VPS35L: variants seen among roughly 807,000 people sequenced by gnomAD.
The protein encoded by VPS35L is VPS35 endosomal protein-sorting factor-like.
VPS35L carries 83 observed loss-of-function variants against 133.0 expected under a neutral mutation model. The observed-to-expected ratio is 0.62, with a 90% confidence interval of 0.52 to 0.75. VPS35L has a LOEUF of 0.75. VPS35L is among the 30% of genes least tolerant of loss of function. VPS35L has a pLI of 0.00. For missense variants in VPS35L, 1,083 were observed against 1,206.8 expected, an observed-to-expected ratio of 0.90 and a Z score of 1.52; for synonymous variants, 423 against 449.9, an observed-to-expected ratio of 0.94 and a Z score of 0.76.
intron 15 of VPS35L, among the ~76,000 whole-genome samples, chr16:19,626,563 A>G (rs933057145): frequency 1.2e-4 from 18 of 152,046 alleles, no homozygotes; most frequent in African/African-American, 4.1e-4. Flanking sequence ...GGAGTTCGAG[A>G]CCAGCCTGGC....
intron 5 of VPS35L, among the ~76,000 whole-genome samples, chr16:19,575,557 G>A (rs1203471827): frequency 4.4e-5 from 6 of 136,470 alleles, no homozygotes; most frequent in African/African-American, 1.4e-4. Context: ...CAGGAATGCC[G>A]TCTTAAAAAA....
At chr16:19,662,061 G>C (rs1974502525) in intron 26 of VPS35L, among the ~76,000 whole-genome samples, 1 of 152,144 alleles carries the variant, frequency 6.6e-6, no homozygotes, top group Non-Finnish European at 1.5e-5. Context: ...AAAATCAGCA[G>C]GCATGATGGC....
intron 26 of VPS35L, among the ~76,000 whole-genome samples, chr16:19,662,036 T>C (rs1974500621): frequency 7.2e-6 from 1 of 138,546 alleles, no homozygotes; most frequent in Non-Finnish European, 1.5e-5. Context: ...AAAATATGAA[T>C]TAAAAAAAAC....
Position 19,575,884 on chromosome 16 carries a change from G to A in VPS35L, c.433+762G>A, listed in dbSNP as rs565868433. On this transcript the variant is annotated intron_variant, in intron 5 of 30. Transcript: ENST00000417362. Reference sequence around the variant, plus strand: ...AAAATATATATATATGGCCTGGTGCGGTGGCTCACACCCGTAATCCCAGCA... The same window carrying A: ...AAAATATATATATATGGCCTGGTGCAGTGGCTCACACCCGTAATCCCAGCA... Among the ~76,000 whole-genome samples the A allele has an allele frequency of 1.4e-4, 21 of 146,640 alleles. No individual in the cohort carries two copies. In the Admixed American group the frequency reaches 1.5e-3, roughly 10 times the overall value.
At chr16:19,676,426 G>A (rs148107491) in intron 27 of VPS35L, among the ~76,000 whole-genome samples, 10 of 152,314 alleles carry the variant, frequency 6.6e-5, no homozygotes, top group Non-Finnish European at 1.0e-4. Flanking sequence ...TTTAGCATCA[G>A]TAGTCGTCAG....
Position 19,691,417 on chromosome 16 carries a change from T to G in VPS35L, c.2592T>G (p.Cys864Trp). Residue 864 changes from cysteine (C) to tryptophan (W), a missense_variant, in exon 29 of 31, where the codon TGT becomes TGG. Physicochemically the swap from Cys to Trp is radical, Grantham distance 215 (BLOSUM62 -2). Transcript: ENST00000417362. ...TCCTGGCAGAAAACAACAAGCTGTGTGAGACGGTGATGGCTCAGATCCTAG... is the reference window on the plus strand; with the variant it reads ...TCCTGGCAGAAAACAACAAGCTGTGGGAGACGGTGATGGCTCAGATCCTAG... ...SKFLAENNKL[C>W]ETVMAQILEH... is the part of the protein sequence containing the mutation. The G allele has an allele frequency of 6.2e-7, 1 of 1,614,048 alleles. No individual in the cohort carries two copies. Among genetic ancestry groups the G allele is most frequent in the Non-Finnish European group, 8.5e-7 (1 of 1,179,940 alleles).
chr16:19,632,956 T>C, intron 18 of VPS35L, 136 bp from the exon 19 acceptor site: 1 of 712,772 alleles, frequency 1.4e-6, no homozygotes, highest in Non-Finnish European at 2.5e-6. Flanking sequence ...CTTCCGTTAT[T>C]TTCAGCAGAA....
intron 14 of VPS35L, among the ~76,000 whole-genome samples, chr16:19,619,259 A>G (rs763864861): frequency 5.3e-5 from 8 of 152,014 alleles, no homozygotes; most frequent in Non-Finnish European, 1.2e-4. Context: ...TAACTTTTCA[A>G]CAAGTATGCA....
intron 28 of VPS35L, among the ~76,000 whole-genome samples, chr16:19,689,340 G>C (rs377161671): frequency 4.3e-4 from 65 of 151,296 alleles, no homozygotes; most frequent in Middle Eastern, 6.8e-3. Context: ...GCTCCATCTC[G>C]GCTCACTGCA....
chr16:19,603,279 GCATC>G lies in VPS35L; in HGVS notation c.784+1557_784+1560del, dbSNP rs1224379903. Among the ~76,000 whole-genome samples, 4 of 152,140 alleles carry G rather than the reference GCATC, an allele frequency of 2.6e-5. No homozygotes were observed. The East Asian group carries it at 5.8e-4, about 22-fold the overall frequency. ...GAGAGCCTTGCTCTTTCTTAGTGCT[GCATC>G]TACATTGTCCAGTACAGCAGCCACT... On this transcript the variant is annotated intron_variant, in intron 9 of 30. Coordinates refer to ENST00000417362, the MANE Select transcript of VPS35L (RefSeq NM_020314.7).
chr16:19,624,478 G>A (rs1320185894), intron 14 of VPS35L, among the ~76,000 whole-genome samples: 1 of 151,974 alleles, frequency 6.6e-6, no homozygotes, highest in Non-Finnish European at 1.5e-5. Flanking sequence ...CCAGCTACTC[G>A]GGAGGCTGAG....
chr16:19,563,515 T>G (rs1971090759), intron 1 of VPS35L, among the ~76,000 whole-genome samples: 1 of 152,152 alleles, frequency 6.6e-6, no homozygotes. Flanking sequence ...TCTTGCACAT[T>G]CTCTCTCTCC....
intron 8 of VPS35L, among the ~76,000 whole-genome samples, chr16:19,594,644 C>CAAAAAAAAAAAAAAAAAAAAAAAAAA (rs57187565): frequency 3.2e-5 from 1 of 31,494 alleles, no homozygotes; most frequent in African/African-American, 1.1e-4. Flanking sequence ...GATTTCGTCT[C>CAAAAAAAAAAAAAAAAAAAAAAAAAA]AAAAAAAAAA....
chr16:19,630,747 G>T lies in VPS35L; in HGVS notation c.1554+927G>T, dbSNP rs75674840. ...TGATGGTATTAGGAGGTGGAGCCTA[G>T]GTCATGGCAGGCAGAGTCCTTATGA... On this transcript the variant is annotated intron_variant, in intron 18 of 30. Coordinates refer to ENST00000417362, the MANE Select transcript of VPS35L (RefSeq NM_020314.7). 3.1e-4 allele frequency among the ~76,000 whole-genome samples: 47 copies of T among 152,146 alleles called. 1 individual carries two copies. The East Asian group carries it at 6.8e-3, about 22-fold the overall frequency.
chr16:19,604,210 A>T (rs1957543718), intron 9 of VPS35L, among the ~76,000 whole-genome samples: 1 of 151,076 alleles, frequency 6.6e-6, no homozygotes, highest in Non-Finnish European at 1.5e-5. Context: ...TTATATACCC[A>T]ACCTCTTAAA....
intron 19 of VPS35L, among the ~76,000 whole-genome samples, chr16:19,634,314 A>G (rs907063176): frequency 2.0e-5 from 3 of 151,196 alleles, no homozygotes; most frequent in Non-Finnish European, 4.4e-5. Context: ...GTGCATGCCT[A>G]TAGTCCCAGC....
chr16:19,651,403 C>T (rs551421138), intron 25 of VPS35L, among the ~76,000 whole-genome samples: 2 of 151,974 alleles, frequency 1.3e-5, no homozygotes, highest in Admixed American at 1.3e-4. Flanking sequence ...GGGCATATCA[C>T]TAGGTTGCCC....
intron 26 of VPS35L, among the ~76,000 whole-genome samples, chr16:19,660,055 G>A (rs942004804): frequency 2.6e-5 from 4 of 152,168 alleles, no homozygotes; most frequent in Non-Finnish European, 5.9e-5. Flanking sequence ...GCCGGGCACG[G>A]TGGCTCACGC....
At chr16:19,678,392 T>A (rs750018510) in intron 27 of VPS35L, among the ~76,000 whole-genome samples, 2 of 151,314 alleles carry the variant, frequency 1.3e-5, no homozygotes, top group Non-Finnish European at 2.9e-5. Context: ...GGAAGCGCCA[T>A]CTGAATCCAG....
Sources: allele counts gnomAD v4.1 joint callset (sites outside exome capture counted in the v4.1 genomes callset), GRCh38; gene constraint gnomAD v4.1.1; transcripts MANE v1.5; gene names NCBI Gene and HGNC (gene_info 2026-07-23, HGNC 2026-07-21).